The following CHLSN variants were observed in gnomAD, a reference collection of about 807,000 sequenced individuals.
CHLSN encodes the protein protein cholesin.
At chr7:1,092,809 C>G in the CHLSN span, 1 of 1,613,428 alleles carries the variant, frequency 6.2e-7, no homozygotes. Flanking sequence ...GGCCGTCATT[C>G]CAGACAGCAC....
At chr7:1,111,057 C>T in the CHLSN span, among the ~76,000 whole-genome samples, 1 of 152,128 alleles carries the variant, frequency 6.6e-6, no homozygotes, top group Non-Finnish European at 1.5e-5. Flanking sequence ...GCCTGGGCGA[C>T]AGAGCGAGAC....
chr7:1,006,437 G>T, the CHLSN span, among the ~76,000 whole-genome samples: 1 of 144,826 alleles, frequency 6.9e-6, no homozygotes, highest in African/African-American at 2.6e-5. Context: ...CGGCCACAGC[G>T]CAGGGAAAGA....
chr7:1,113,806 C>T, the CHLSN span, among the ~76,000 whole-genome samples: 12 of 152,272 alleles, frequency 7.9e-5, no homozygotes, highest in East Asian at 3.9e-4. Flanking sequence ...AGGCAAGGAG[C>T]GGTGCAGAAA....
the CHLSN span, among the ~76,000 whole-genome samples, chr7:1,066,370 C>A: frequency 6.6e-6 from 1 of 152,228 alleles, no homozygotes; most frequent in African/African-American, 2.4e-5. Context: ...CTAATTGGGG[C>A]CCATCGTGGC....
At chr7:1,133,853 C>G in the CHLSN span, among the ~76,000 whole-genome samples, 2 of 151,914 alleles carry the variant, frequency 1.3e-5, no homozygotes, top group Non-Finnish European at 2.9e-5. Flanking sequence ...AAAATTTAGG[C>G]TGGAACACAG....
At chr7:1,078,357 G>A in the CHLSN span, among the ~76,000 whole-genome samples, 4 of 152,002 alleles carry the variant, frequency 2.6e-5, no homozygotes, top group African/African-American at 4.8e-5. Flanking sequence ...GGTGGGGGGG[G>A]GCTCAGGCAC....
chr7:1,135,939 GTATATATAAA>G, the CHLSN span, among the ~76,000 whole-genome samples: 65 of 108,836 alleles, frequency 6.0e-4, no homozygotes, highest in East Asian at 1.6e-3. Context: ...AAATATATAA[GTATATATAAA>G]TATATATAAA....
chr7:1,009,933 G>C, the CHLSN span: 1 of 1,525,554 alleles, frequency 6.6e-7, no homozygotes. Flanking sequence ...AGAACCGCGT[G>C]GGGCAGGGCC....
chr7:1,136,996 C>T, the CHLSN span, among the ~76,000 whole-genome samples: 1 of 152,150 alleles, frequency 6.6e-6, no homozygotes, highest in South Asian at 2.1e-4. Flanking sequence ...CTCACGATGG[C>T]TTTTAAACTC....
At chr7:980,684 C>CTTTTT in the CHLSN span, among the ~76,000 whole-genome samples, 2 of 97,044 alleles carry the variant, frequency 2.1e-5, no homozygotes, top group African/African-American at 4.0e-5. Context: ...GTAACAGTTA[C>CTTTTT]TTTTTTTTTT....
At chr7:1,048,622 G>T in the CHLSN span, among the ~76,000 whole-genome samples, 2 of 152,154 alleles carry the variant, frequency 1.3e-5, no homozygotes, top group African/African-American at 2.4e-5. Context: ...ACTGCTCACA[G>T]ACATTCATTA....
At chr7:1,070,650 C>G in the CHLSN span, among the ~76,000 whole-genome samples, 1 of 149,090 alleles carries the variant, frequency 6.7e-6, no homozygotes, top group African/African-American at 2.5e-5. Flanking sequence ...GACACACATG[C>G]ACACACATGC....
the CHLSN span, among the ~76,000 whole-genome samples, chr7:1,049,251 C>A: frequency 1.3e-5 from 2 of 152,268 alleles, no homozygotes; most frequent in Non-Finnish European, 2.9e-5. Context: ...CAAAAGGTCA[C>A]AGAACAGCTT....
chr7:1,125,769 C>A, the CHLSN span, among the ~76,000 whole-genome samples: 2 of 152,250 alleles, frequency 1.3e-5, no homozygotes, highest in Non-Finnish European at 2.9e-5. Context: ...TCCGCAGACA[C>A]GGAAAGCCCT....
chr7:1,041,212 A>AAGGGG, the CHLSN span, among the ~76,000 whole-genome samples: 3 of 152,296 alleles, frequency 2.0e-5, no homozygotes, highest in African/African-American at 7.2e-5. Context: ...CACTGCAGGG[A>AAGGGG]ACGGGACCTG....
the CHLSN span, among the ~76,000 whole-genome samples, chr7:1,126,733 T>C: frequency 6.6e-6 from 1 of 152,184 alleles, no homozygotes; most frequent in Non-Finnish European, 1.5e-5. Context: ...ACGTGTCTTT[T>C]CAAGTGAATG....
the CHLSN span, among the ~76,000 whole-genome samples, chr7:1,134,112 A>T: frequency 1.4e-3 from 214 of 152,056 alleles, no homozygotes; most frequent in African/African-American, 5.1e-3. Flanking sequence ...ATATATATAT[A>T]TATTTTTTTA....
chr7:1,110,540 G>A, the CHLSN span, among the ~76,000 whole-genome samples: 1 of 152,234 alleles, frequency 6.6e-6, no homozygotes. Flanking sequence ...CATGGCTCCC[G>A]TGGGGCAGAG....
chr7:1,069,787 G>A, the CHLSN span, among the ~76,000 whole-genome samples: 1 of 57,884 alleles, frequency 1.7e-5, no homozygotes, highest in East Asian at 3.7e-4. Flanking sequence ...TGGGAAGTGA[G>A]GAGTGTCTCT....
Sources: allele counts gnomAD v4.1 joint callset (sites outside exome capture counted in the v4.1 genomes callset), GRCh38; gene constraint gnomAD v4.1.1; transcripts MANE v1.5; gene names NCBI Gene and HGNC (gene_info 2026-07-23, HGNC 2026-07-21).